STRBP: variants seen among roughly 807,000 people sequenced by gnomAD.
The protein encoded by STRBP is spermatid perinuclear RNA-binding protein.
Under a neutral mutation model 80.1 loss-of-function variants are expected in STRBP, and 13 were observed. The ratio of observed to expected loss-of-function variants is 0.16; its 90% CI spans 0.11 to 0.26. The LOEUF is 0.26. Among genes scored for constraint, STRBP ranks in the 10% least tolerant of loss-of-function variants. The pLI is 1.00. For synonymous variants in STRBP, 284 were observed against 291.2 expected (o/e 0.98, Z 0.25); for missense variants, 485 against 815.2 (o/e 0.59, Z 4.93).
At chr9:123,211,773 T>A (rs1486038491) in intron 2 of STRBP, among the ~76,000 whole-genome samples, 1 of 152,188 alleles carries the variant, frequency 6.6e-6, no homozygotes, top group Non-Finnish European at 1.5e-5. Flanking sequence ...TAATATAGTG[T>A]CCTCCTAACT....
At chr9:123,143,293 G>A (rs561172432) in intron 13 of STRBP, among the ~76,000 whole-genome samples, 1 of 152,330 alleles carries the variant, frequency 6.6e-6, no homozygotes, top group African/African-American at 2.4e-5. Flanking sequence ...TTTGTGGGGG[G>A]CTGCCAGGAT....
At chr9:123,268,296 C>G (rs1016302973) in intron 1 of STRBP, 140 bp downstream of exon 1, 1 of 152,586 alleles carries the variant, frequency 6.6e-6, no homozygotes, top group Non-Finnish European at 1.5e-5. Flanking sequence ...CGGCCGCCAC[C>G]GCCGCCGCCG....
At chr9:123,220,785 G>T (rs941454201) in intron 2 of STRBP, among the ~76,000 whole-genome samples, 1 of 152,126 alleles carries the variant, frequency 6.6e-6, no homozygotes, top group Admixed American at 6.5e-5. Context: ...CCAGTACAAT[G>T]CCACTTCCTT....
At chr9:123,238,911 C>G (rs1241634263) in intron 1 of STRBP, among the ~76,000 whole-genome samples, 1 of 152,018 alleles carries the variant, frequency 6.6e-6, no homozygotes, top group African/African-American at 2.4e-5. Flanking sequence ...TGGGAGCAGG[C>G]AAAAGTTCAA....
chr9:123,205,395 T>G (rs1003371004), intron 2 of STRBP, among the ~76,000 whole-genome samples: 1 of 152,216 alleles, frequency 6.6e-6, no homozygotes, highest in Non-Finnish European at 1.5e-5. Flanking sequence ...AGACCTTCTG[T>G]TGCCATTCTG....
At chr9:123,199,689 G>C (rs1165512327) in intron 2 of STRBP, among the ~76,000 whole-genome samples, 1 of 152,158 alleles carries the variant, frequency 6.6e-6, no homozygotes, top group African/African-American at 2.4e-5. Context: ...CTTGATCATT[G>C]CTGGTGTATA....
intron 2 of STRBP, among the ~76,000 whole-genome samples, chr9:123,218,918 T>C (rs965554399): frequency 2.6e-4 from 39 of 152,304 alleles, no homozygotes; most frequent in African/African-American, 9.1e-4. Context: ...TCATTTATCC[T>C]TGCAACAACC....
chr9:123,123,912 C>G lies in STRBP; in HGVS notation c.*1685G>C. 1.0e-6 allele frequency: 1 copy of G among 985,426 alleles called. No homozygotes were observed. 61.0% of individuals were successfully genotyped at this position (985,426 alleles called of 1,614,324 possible). A position where few individuals can be genotyped will look rare whatever the true frequency, so the allele number is the denominator to read the frequency against. ...AAAACTCCCAGCTGAAATGGGCCCTCTTGTTTATGTCTAGCCACTAATGCA... is the reference window on the plus strand; with the variant it reads ...AAAACTCCCAGCTGAAATGGGCCCTGTTGTTTATGTCTAGCCACTAATGCA... On this transcript the variant is annotated 3_prime_UTR_variant, in exon 19 of 19. Coordinates refer to ENST00000348403, the MANE Select transcript of STRBP (RefSeq NM_018387.5).
At chr9:123,267,383 C>T (rs1358283556) in intron 1 of STRBP, among the ~76,000 whole-genome samples, 1 of 151,968 alleles carries the variant, frequency 6.6e-6, no homozygotes, top group Admixed American at 6.5e-5. Context: ...ACTGTCCCCA[C>T]CTCTCTCTGC....
Position 123,147,002 on chromosome 9 carries a change from C to A in STRBP, c.1191G>T (p.Gln397His), listed in dbSNP as rs755692606. 2 of 1,613,992 alleles carry A rather than the reference C, an allele frequency of 1.2e-6. No homozygotes were observed. The highest frequency in any genetic ancestry group is 1.3e-5 in the African/African-American group (1 of 75,012). The change falls in exon 13 of 19, where the codon CAG (glutamine) becomes CAT (histidine). Residue 397 changes from glutamine to histidine, a missense_variant. By Grantham distance (24) the Gln-to-His change is conservative. Coordinates refer to ENST00000348403, the MANE Select transcript of STRBP (RefSeq NM_018387.5). ...DLMNALMRLN[Q>H]IRPGLQYKLL... ...GCTTATACTGAAGCCCAGGCCTGAT[C>A]TGATTTAGCCTCATTAGTGCATTCA...
At chr9:123,266,465 G>T (rs1452789505) in intron 1 of STRBP, among the ~76,000 whole-genome samples, 1 of 151,308 alleles carries the variant, frequency 6.6e-6, no homozygotes, top group African/African-American at 2.4e-5. Flanking sequence ...GTTTCTCTCA[G>T]TATGGAATTT....
intron 2 of STRBP, among the ~76,000 whole-genome samples, chr9:123,225,896 G>C (rs950526748): frequency 1.3e-5 from 2 of 152,158 alleles, no homozygotes; most frequent in African/African-American, 4.8e-5. Flanking sequence ...AAACAGTTTG[G>C]TGGTTTTTTA....
rs1404308207 is a variant in STRBP at position 123,110,341 on chromosome 9, C to T, written c.*85-588G>A. On this transcript the variant is annotated intron_variant and NMD_transcript_variant, in intron 3 of 3. Coordinates refer to the STRBP transcript ENST00000471564. This position sits in a 1 kb window ranked among gnomAD's most constrained non-coding sequence, Gnocchi z 4.1. The stretch of plus-strand genomic sequence containing the variant: ...AGGCCAGCCCCTTCCCCAGCACCCC[C>T]TGCCAAAGTACCCTTGGGAACAGGC... 1 of 163,994 alleles carries T rather than the reference C, an allele frequency of 6.1e-6. No homozygotes were observed. The allele number at this position is 163,994 out of a possible 1,614,324, so 10.2% of individuals were successfully genotyped here.
At chr9:123,231,855 T>C (rs2040407049) in intron 2 of STRBP, among the ~76,000 whole-genome samples, 1 of 152,156 alleles carries the variant, frequency 6.6e-6, no homozygotes, top group Admixed American at 6.5e-5. Flanking sequence ...TCCCTCTCTC[T>C]GGTCTCTAAT....
chr9:123,220,827 G>A (rs921764162), intron 2 of STRBP, among the ~76,000 whole-genome samples: 6 of 152,132 alleles, frequency 3.9e-5, no homozygotes, highest in Admixed American at 3.3e-4. Flanking sequence ...TGTCAAAAAT[G>A]AAGAAACCAA....
chr9:123,227,369 C>T lies in STRBP; in HGVS notation c.-165+9461G>A, dbSNP rs549912419. 1.8e-4 allele frequency among the ~76,000 whole-genome samples: 28 copies of T among 152,026 alleles called. No homozygotes were observed. The South Asian group carries it at 5.6e-3, about 30-fold the overall frequency. ...GCAAAGGCCCTGAGTCTAACACACA[C>T]CTGTTTGAAGAAGAGCAAGGAGGTG... is the stretch of plus-strand genomic sequence containing the variant. On this transcript the variant is annotated intron_variant, in intron 2 of 18. Coordinates refer to ENST00000348403, the MANE Select transcript of STRBP (RefSeq NM_018387.5).
chr9:123,120,440 C>T (rs1454578647), downstream of STRBP, among the ~76,000 whole-genome samples: 1 of 129,286 alleles, frequency 7.7e-6, no homozygotes, highest in African/African-American at 3.0e-5. Flanking sequence ...CTTAATGACC[C>T]TGGTGTATAG....
intron 2 of STRBP, among the ~76,000 whole-genome samples, chr9:123,212,126 T>A (rs2039731706): frequency 6.6e-6 from 1 of 152,140 alleles, no homozygotes; most frequent in South Asian, 2.1e-4. Flanking sequence ...AAACTCAACA[T>A]TAGGATTTTC....
chr9:123,110,625 C>A lies in STRBP; in HGVS notation c.*85-872G>T. 5.9e-6 allele frequency: 1 copy of A among 169,718 alleles called. No individual in the cohort carries two copies. 10.5% of individuals were successfully genotyped at this position (169,718 alleles called of 1,614,324 possible). On this transcript the variant is annotated intron_variant and NMD_transcript_variant, in intron 3 of 3. Transcript: ENST00000471564. The surrounding 1 kb of genome is among the most constrained non-coding windows in gnomAD (Gnocchi z 4.1). ...AACAGTAGGGAGTTCCCACGTGGAC[C>A]AGCTTTCATTTTGCCTCCATAAGCC...
Sources: gnomAD v4.1 joint callset for allele counts (sites outside exome capture counted in the v4.1 genomes callset) on GRCh38, gnomAD v4.1.1 for gene constraint, Gnocchi (gnomAD v3.1) non-coding constraint, MANE v1.5 for transcripts, NCBI Gene and HGNC (gene_info 2026-07-23, HGNC 2026-07-21) for gene names.